STARD13: variants seen among roughly 807,000 people sequenced by gnomAD.
The protein encoded by STARD13 is stAR-related lipid transfer protein 13.
In STARD13, 62 loss-of-function variants were observed where a neutral mutation model predicts 106.4. That is an observed-to-expected ratio of 0.58 (90% CI 0.48 to 0.72). The LOEUF (loss-of-function observed/expected upper bound fraction) is 0.72. Among genes scored for constraint, STARD13 ranks in the 30% least tolerant of loss-of-function variants. The probability of loss-of-function intolerance (pLI) is 0.00; values close to 1 mark genes in which losing one functional copy is unlikely to be tolerated. For synonymous variants in STARD13, 565 were observed against 553.0 expected (o/e 1.02, Z -0.31); for missense variants, 1,387 against 1,424.0 (o/e 0.97, Z 0.42).
At chr13:33,334,359 G>A (rs953741416) in intron 1 of STARD13, among the ~76,000 whole-genome samples, 2 of 152,156 alleles carry the variant, frequency 1.3e-5, no homozygotes, top group Admixed American at 6.5e-5. Flanking sequence ...CAGAGTGGAT[G>A]GAAAAGGGGG....
the STARD13 span, among the ~76,000 whole-genome samples, chr13:33,419,747 A>C: frequency 8.5e-5 from 13 of 152,272 alleles, no homozygotes; most frequent in African/African-American, 2.9e-4. Context: ...CATCAGACTA[A>C]CAGCAGATCT....
chr13:33,361,765 C>T, the STARD13 span, among the ~76,000 whole-genome samples: 8 of 152,168 alleles, frequency 5.3e-5, no homozygotes, highest in Non-Finnish European at 1.0e-4. Flanking sequence ...CATGAGAACT[C>T]ACTCACTATC....
the STARD13 span, among the ~76,000 whole-genome samples, chr13:33,543,501 A>G: frequency 7.0e-6 from 1 of 143,486 alleles, no homozygotes; most frequent in Non-Finnish European, 1.5e-5. Context: ...TTTTCCTGTA[A>G]TCTTGGAGTA....
chr13:33,348,421 T>C (rs1163880202), downstream of STARD13, among the ~76,000 whole-genome samples: 1 of 152,214 alleles, frequency 6.6e-6, no homozygotes, highest in African/African-American at 2.4e-5. Flanking sequence ...TGACACTCTC[T>C]TCCTTCCCAG....
chr13:33,267,341 C>T (rs75688559), intron 1 of STARD13, among the ~76,000 whole-genome samples: 1,850 of 152,244 alleles, frequency 0.012, 38 homozygotes, highest in East Asian at 0.062. Flanking sequence ...CACTTTCTGA[C>T]CAAGGGATAG....
chr13:33,549,734 T>TA, the STARD13 span, among the ~76,000 whole-genome samples: 1 of 152,236 alleles, frequency 6.6e-6, no homozygotes. Context: ...TCTTCCATCT[T>TA]ACTGCCAGAC....
rs1877675541 is a variant in STARD13, at chr13:33,128,924, C to T, written c.1748+5G>A. 2.5e-6 allele frequency: 4 copies of T among 1,594,154 alleles called. No homozygotes were observed. The highest frequency in any genetic ancestry group is 2.6e-6 in the Non-Finnish European group (3 of 1,171,824). On this transcript the variant is annotated splice_donor_5th_base_variant and intron_variant, in intron 5 of 13. Coordinates refer to ENST00000336934, the MANE Select transcript of STARD13 (RefSeq NM_178006.4). ...AAAATCATTTCACAAGTGCATGCCACCTACCTGTTTGGCCTGGTCAGAGAG... is the reference window on the plus strand; with the variant it reads ...AAAATCATTTCACAAGTGCATGCCATCTACCTGTTTGGCCTGGTCAGAGAG...
the STARD13 span, among the ~76,000 whole-genome samples, chr13:33,653,492 T>C: frequency 2.1e-4 from 32 of 152,216 alleles, no homozygotes; most frequent in African/African-American, 7.5e-4. Context: ...AAGAATGAAG[T>C]TGGAAAACTA....
At chr13:33,134,641 T>C (rs1421814331) in intron 4 of STARD13, among the ~76,000 whole-genome samples, 1 of 152,262 alleles carries the variant, frequency 6.6e-6, no homozygotes, top group Non-Finnish European at 1.5e-5. Context: ...TAGCATGATT[T>C]ATCAACAGAA....
the STARD13 span, among the ~76,000 whole-genome samples, chr13:33,378,561 C>T: frequency 2.5e-4 from 38 of 152,064 alleles, no homozygotes; most frequent in Non-Finnish European, 4.4e-4. Context: ...GAGGCCGAGG[C>T]GGGCGGATCA....
At chr13:33,261,471 ATTTATAGAAACTATT>A (rs1430395692) in intron 1 of STARD13, among the ~76,000 whole-genome samples, 2 of 152,202 alleles carry the variant, frequency 1.3e-5, no homozygotes, top group Non-Finnish European at 2.9e-5. Flanking sequence ...CACTCATATC[ATTTATAGAAACTATT>A]TCACGGAAAC....
chr13:33,574,537 A>G, the STARD13 span, among the ~76,000 whole-genome samples: 1 of 152,126 alleles, frequency 6.6e-6, no homozygotes, highest in Non-Finnish European at 1.5e-5. Flanking sequence ...GGAGTTCGAG[A>G]CCAGCCTGCG....
At chr13:33,222,082 G>A (rs1178106168) in intron 1 of STARD13, among the ~76,000 whole-genome samples, 1 of 152,006 alleles carries the variant, frequency 6.6e-6, no homozygotes, top group African/African-American at 2.4e-5. Context: ...CCGGGAGGTA[G>A]AGGTTGCAGT....
chr13:33,524,761 G>A, the STARD13 span, among the ~76,000 whole-genome samples: 4 of 151,758 alleles, frequency 2.6e-5, no homozygotes, highest in African/African-American at 2.4e-5. Context: ...TATGGTGTAC[G>A]ATATGATGTT....
At chr13:33,458,009 G>A in the STARD13 span, among the ~76,000 whole-genome samples, 1 of 152,158 alleles carries the variant, frequency 6.6e-6, no homozygotes, top group African/African-American at 2.4e-5. Context: ...AACAGGTGGT[G>A]AGCATCAAAC....
the STARD13 span, among the ~76,000 whole-genome samples, chr13:33,563,557 A>T: frequency 1.4e-5 from 2 of 147,508 alleles, no homozygotes; most frequent in Non-Finnish European, 3.0e-5. Flanking sequence ...CCCATCTTTC[A>T]CCATATACCA....
intron 1 of STARD13, chr13:33,277,436 C>A (rs577410331): frequency 6.6e-6 from 1 of 151,528 alleles, no homozygotes; most frequent in South Asian, 2.1e-4. Context: ...TTCTGTCATA[C>A]TAGGAGAGCC....
chr13:33,384,403 G>A, the STARD13 span, among the ~76,000 whole-genome samples: 4 of 152,210 alleles, frequency 2.6e-5, no homozygotes, highest in African/African-American at 4.8e-5. Context: ...AGTAGGGTTT[G>A]TTAAACACTG....
intron 1 of STARD13, among the ~76,000 whole-genome samples, chr13:33,194,250 G>A (rs887188218): frequency 1.1e-4 from 16 of 151,962 alleles, no homozygotes; most frequent in African/African-American, 3.6e-4. Context: ...GATGATATTT[G>A]AACCATAAAT....
Sources: allele counts gnomAD v4.1 joint callset (sites outside exome capture counted in the v4.1 genomes callset), GRCh38; gene constraint gnomAD v4.1.1; transcripts MANE v1.5; gene names NCBI Gene and HGNC (gene_info 2026-07-23, HGNC 2026-07-21).